Variants in CHERP observed in about 807,000 individuals in gnomAD.
CHERP encodes the protein ERPROT 213-21.
CHERP carries 8 observed loss-of-function variants against 113.8 expected under a neutral mutation model. The ratio of observed to expected loss-of-function variants is 0.07; its 90% CI spans 0.04 to 0.13. CHERP has a LOEUF of 0.13. CHERP is among the 10% of genes least tolerant of loss of function. The pLI, the probability that CHERP is intolerant of heterozygous loss-of-function variation, is 1.00. For missense variants in CHERP, 884 were observed against 1,298.2 expected, an observed-to-expected ratio of 0.68 and a Z score of 4.90; for synonymous variants, 559 against 524.5, an observed-to-expected ratio of 1.07 and a Z score of -0.90.
At position 16,530,138 on chromosome 19, in the gene CHERP, C is replaced by T. The variant is rs887822474; in HGVS notation, c.877-238G>A. On this transcript the variant is annotated intron_variant, in intron 7 of 16. Coordinates refer to ENST00000546361, the MANE Select transcript of CHERP (RefSeq NM_006387.6). This position sits in a 1 kb window ranked among gnomAD's most constrained non-coding sequence, Gnocchi z 4.1. ...GTTTTACGACTCCCTGATAACAGAA[C>T]GAGCAACGACAGCCGTGTCCTGGCC... 3.9e-5 allele frequency among the ~76,000 whole-genome samples: 6 copies of T among 152,216 alleles called. No homozygotes were observed. Among genetic ancestry groups the T allele is most frequent in the African/African-American group, 1.4e-4 (6 of 41,436 alleles).
intron 5 of CHERP, among the ~76,000 whole-genome samples, chr19:16,531,709 C>CA (rs2085706271): frequency 6.6e-6 from 1 of 152,170 alleles, no homozygotes; most frequent in African/African-American, 2.4e-5. Flanking sequence ...GAAATGGAGG[C>CA]ATGAGGAGGA....
At chr19:16,528,603 T>C (rs1320708692) in intron 8 of CHERP, among the ~76,000 whole-genome samples, 1 of 152,232 alleles carries the variant, frequency 6.6e-6, no homozygotes, top group Non-Finnish European at 1.5e-5. Flanking sequence ...TATTTTCTAT[T>C]CTATACAATC....
intron 2 of CHERP, among the ~76,000 whole-genome samples, chr19:16,536,236 C>T (rs894219219): frequency 6.6e-6 from 1 of 152,200 alleles, no homozygotes; most frequent in African/African-American, 2.4e-5. Flanking sequence ...TTCAGGGGTG[C>T]ATCCAGTTTG....
In CHERP at chr19:16,520,086, A is replaced by C; in HGVS notation, c.2462+63T>G. On this transcript the variant is annotated intron_variant, in intron 15 of 16. Transcript: ENST00000546361. The surrounding 1 kb of genome is among the most constrained non-coding windows in gnomAD (Gnocchi z 4.0). Reference sequence around the variant, plus strand: ...GTCTCCTAACCACCAATGTTTCCACATTCACAGCAAAGCACCGCAGCTTCC... The same window carrying C: ...GTCTCCTAACCACCAATGTTTCCACCTTCACAGCAAAGCACCGCAGCTTCC... 6.5e-7 allele frequency: 1 copy of C among 1,531,332 alleles called. No individual in the cohort carries two copies. The highest frequency in any genetic ancestry group is 1.7e-5 in the Admixed American group (1 of 57,952). 94.9% of individuals were successfully genotyped at this position (1,531,332 alleles called of 1,614,324 possible).
At position 16,523,702 on chromosome 19, in the gene CHERP, T is replaced by C. The variant is rs1218543547; in HGVS notation, c.1742-412A>G. 2.6e-5 allele frequency among the ~76,000 whole-genome samples: 4 copies of C among 151,766 alleles called. No homozygotes were observed. The highest frequency in any genetic ancestry group is 6.6e-5 in the Admixed American group (1 of 15,226). On this transcript the variant is annotated intron_variant, in intron 10 of 16. Coordinates refer to ENST00000546361, the MANE Select transcript of CHERP (RefSeq NM_006387.6). This position sits in a 1 kb window ranked among gnomAD's most constrained non-coding sequence, Gnocchi z 4.0. ...CCGAATCCAACGTGACTGTTGCCGT[T>C]ATAATAAGAGATTAGGACACAGACA... is the stretch of plus-strand genomic sequence containing the variant.
At chr19:16,533,762 T>C (rs1026746390) in intron 3 of CHERP, among the ~76,000 whole-genome samples, 7 of 146,150 alleles carry the variant, frequency 4.8e-5, no homozygotes, top group Non-Finnish European at 1.0e-4. Flanking sequence ...ACCTTGTCTC[T>C]AACAACAACA....
chr19:16,542,227 A>C, intron 1 of CHERP, 127 bp downstream of exon 1: 1 of 1,082,902 alleles, frequency 9.2e-7, no homozygotes, highest in East Asian at 3.2e-5. Context: ...CCCACGGGAG[A>C]GGCCGCAGGC....
rs755567566 is a variant in CHERP, at chr19:16,525,285, G to A, written c.1698C>T (p.Pro566=). 5 of 1,446,554 alleles carry A rather than the reference G, an allele frequency of 3.5e-6. No homozygotes were observed. In the African/African-American group the frequency reaches 7.3e-5, roughly 21 times the overall value. The allele number at this position is 1,446,554 out of a possible 1,614,324, so 89.6% of individuals were successfully genotyped here. A position where few individuals can be genotyped will look rare whatever the true frequency, so the allele number is the denominator to read the frequency against. The change falls in exon 10 of 17, where the codon CCC becomes CCT. Residue 566 remains proline (P), a synonymous_variant. Transcript: ENST00000546361. The surrounding 1 kb of genome is among the most constrained non-coding windows in gnomAD (Gnocchi z 6.5). ...FPPRHPFERP[P]YPHRFDYPQG... ...GGGGGTAGTCGAAGCGGTGGGGATAGGGCGGCCGCTCGAAGGGGTGCCGTG... is the reference window on the plus strand; with the variant it reads ...GGGGGTAGTCGAAGCGGTGGGGATAAGGCGGCCGCTCGAAGGGGTGCCGTG...
chr19:16,533,180 CAT>C (rs1394155729), intron 3 of CHERP, 32 bp from the exon 4 acceptor site: 3 of 1,561,928 alleles, frequency 1.9e-6, no homozygotes, highest in Non-Finnish European at 1.7e-6. Flanking sequence ...GTCGAGAACA[CAT>C]GAGGAGGGAC....
In CHERP at chr19:16,519,474, C is replaced by A. The variant is rs1388029094; in HGVS notation, c.2558-122G>T. ...AAATGGGTAGAGAGAACCCGCAGGC[C>A]GGCCCTGTCTAGAGGGTCTGGGTGG... is the stretch of plus-strand genomic sequence containing the variant. On this transcript the variant is annotated intron_variant, in intron 16 of 16. Coordinates refer to ENST00000546361, the MANE Select transcript of CHERP (RefSeq NM_006387.6). The surrounding 1 kb of genome is among the most constrained non-coding windows in gnomAD (Gnocchi z 6.0). The A allele has an allele frequency of 7.9e-7, 1 of 1,273,014 alleles. No homozygotes were observed. The allele number at this position is 1,273,014 out of a possible 1,614,324, so 78.9% of individuals were successfully genotyped here. A position where few individuals can be genotyped will look rare whatever the true frequency, so the allele number is the denominator to read the frequency against.
Position 16,532,428 on chromosome 19 carries a change from G to A in CHERP, c.674+170C>T, listed in dbSNP as rs2122273188. ...GACACCTAGACCTCGCAGTCCTGGAGACAGAAGCCTGGTGGCTCACAGAGA... is the reference window on the plus strand; with the variant it reads ...GACACCTAGACCTCGCAGTCCTGGAAACAGAAGCCTGGTGGCTCACAGAGA... On this transcript the variant is annotated intron_variant, in intron 5 of 16. Transcript: ENST00000546361. The surrounding 1 kb of genome is among the most constrained non-coding windows in gnomAD (Gnocchi z 4.4). The A allele has an allele frequency of 2.6e-6, 2 of 767,914 alleles. No homozygotes were observed. Among genetic ancestry groups the A allele is most frequent in the Non-Finnish European group, 4.1e-6 (2 of 491,864 alleles). The allele number at this position is 767,914 out of a possible 1,614,324, so 47.6% of individuals were successfully genotyped here. A position where few individuals can be genotyped will look rare whatever the true frequency, so the allele number is the denominator to read the frequency against.
rs773829701 is a variant in CHERP, at chr19:16,535,438, C to A, written c.384+14G>T. On this transcript the variant is annotated intron_variant, in intron 3 of 16. Transcript: ENST00000546361. The surrounding 1 kb of genome is among the most constrained non-coding windows in gnomAD (Gnocchi z 4.3). ...AGCTGCTGGTGTCTGGCCGAGGAGG[C>A]GGCGGGCCCATACCTGTCTGAGCGC... 6.2e-7 allele frequency: 1 copy of A among 1,604,210 alleles called. No individual in the cohort carries two copies. The highest frequency in any genetic ancestry group is 1.7e-5 in the Admixed American group (1 of 58,728).
Position 16,532,680 on chromosome 19 carries a change from G to A in CHERP, c.592C>T (p.Arg198Trp), listed in dbSNP as rs527535661. ...PHCELMAGHL[R>W]NRITADGAHF... is the part of the protein sequence containing the mutation. The stretch of plus-strand genomic sequence containing the variant: ...GCCCCATCAGCCGTGATGCGGTTCC[G>A]GAGGTGGCCGGCCATCAGCTCACAG... The change falls in exon 5 of 17, where the codon CGG (arginine) becomes TGG (tryptophan). Residue 198 changes from arginine (R) to tryptophan (W), a missense_variant. By Grantham distance (101) the Arg-to-Trp change is moderately radical. Transcript: ENST00000546361. This position sits in a 1 kb window ranked among gnomAD's most constrained non-coding sequence, Gnocchi z 4.4. 2 of 1,613,672 alleles carry A rather than the reference G, an allele frequency of 1.2e-6. No homozygotes were observed. Among genetic ancestry groups the A allele is most frequent in the Admixed American group, 1.7e-5 (1 of 60,006 alleles).
intron 10 of CHERP, among the ~76,000 whole-genome samples, chr19:16,524,539 G>A (rs934576945): frequency 1.4e-5 from 2 of 146,490 alleles, no homozygotes; most frequent in African/African-American, 2.5e-5. Context: ...CTGGGCAACA[G>A]GGTGAGACTC....
intron 3 of CHERP, 30 bp from the exon 4 acceptor site, chr19:16,533,178 C>T: frequency 6.4e-7 from 1 of 1,564,610 alleles, no homozygotes. Flanking sequence ...GGGTCGAGAA[C>T]ACATGAGGAG....
At chr19:16,531,955 G>A (rs2085708132) in intron 5 of CHERP, 1 of 150,790 alleles carries the variant, frequency 6.6e-6, no homozygotes. Context: ...TTTGGCCTGG[G>A]GTTCTATTGT....
In CHERP at chr19:16,532,699, C is replaced by A; in HGVS notation, c.573G>T (p.Glu191Asp). 1.2e-6 allele frequency: 2 copies of A among 1,613,808 alleles called. No individual in the cohort carries two copies. Among genetic ancestry groups the A allele is most frequent in the Non-Finnish European group, 8.5e-7 (1 of 1,179,906 alleles). Reference protein sequence around the residue: ...FSNAKSPPHCELMAGHLRNRI... With the variant: ...FSNAKSPPHCDLMAGHLRNRI... ...GGTTCCGGAGGTGGCCGGCCATCAGCTCACAGTGCGGCGGGGACTTGGCAT... is the reference window on the plus strand; with the variant it reads ...GGTTCCGGAGGTGGCCGGCCATCAGATCACAGTGCGGCGGGGACTTGGCAT... Residue 191 changes from glutamate to aspartate, a missense_variant, in exon 5 of 17, where the codon GAG (glutamate) becomes GAT (aspartate). Glu to Asp is a conservative substitution (Grantham distance 45, BLOSUM62 2). Around this residue, in one of 8 missense-constraint regions of CHERP, gnomAD observed 73 missense variants for 182.4 expected, o/e 0.40. Coordinates refer to ENST00000546361, the MANE Select transcript of CHERP (RefSeq NM_006387.6). This position sits in a 1 kb window ranked among gnomAD's most constrained non-coding sequence, Gnocchi z 4.4.
Position 16,519,333 on chromosome 19 carries a change from G to C in CHERP, c.2577C>G (p.Gly859=), listed in dbSNP as rs1372444486. The C allele has an allele frequency of 1.9e-6, 3 of 1,612,092 alleles. No homozygotes were observed. Among genetic ancestry groups the C allele is most frequent in the Non-Finnish European group, 1.7e-6 (2 of 1,179,738 alleles). The change falls in exon 17 of 17, where the codon GGC becomes GGG. Residue 859 remains glycine (G), a synonymous_variant. Transcript: ENST00000546361. This position sits in a 1 kb window ranked among gnomAD's most constrained non-coding sequence, Gnocchi z 6.0. ...LVKMGWSGSG[G]LGAKEQGIQD... is the part of the protein sequence containing the mutation. Reference sequence around the variant, plus strand: ...GGATCCCTTGCTCCTTCGCACCGAGGCCGCCTGAGCCGCTCCAGCCTGGAA... The same window carrying C: ...GGATCCCTTGCTCCTTCGCACCGAGCCCGCCTGAGCCGCTCCAGCCTGGAA...
chr19:16,532,581 G>T lies in CHERP; in HGVS notation c.674+17C>A. On this transcript the variant is annotated intron_variant, in intron 5 of 16. Coordinates refer to ENST00000546361, the MANE Select transcript of CHERP (RefSeq NM_006387.6). This position sits in a 1 kb window ranked among gnomAD's most constrained non-coding sequence, Gnocchi z 4.4. Reference sequence around the variant, plus strand: ...CGCGAGGAAGTGGCGCTCTGGGCACGGGGTGGCGGCGCTCACCAGTGGTGC... The same window carrying T: ...CGCGAGGAAGTGGCGCTCTGGGCACTGGGTGGCGGCGCTCACCAGTGGTGC... 1 of 1,581,800 alleles carries T rather than the reference G, an allele frequency of 6.3e-7. No homozygotes were observed. Among genetic ancestry groups the T allele is most frequent in the East Asian group, 2.3e-5 (1 of 44,198 alleles).
Sources: gnomAD v4.1 joint callset for allele counts (sites outside exome capture counted in the v4.1 genomes callset) on GRCh38, gnomAD v4.1.1 for gene constraint, gnomAD v4.1.1 regional missense constraint, Gnocchi (gnomAD v3.1) non-coding constraint, MANE v1.5 for transcripts, NCBI Gene and HGNC (gene_info 2026-07-23, HGNC 2026-07-21) for gene names.